Variants in INPP5D observed in about 807,000 individuals in gnomAD.
The protein encoded by INPP5D is phosphatidylinositol 3,4,5-trisphosphate 5-phosphatase 1.
In INPP5D, 33 loss-of-function variants were observed where a neutral mutation model predicts 122.9. That is an observed-to-expected ratio of 0.27 (90% CI 0.20 to 0.36). The LOEUF (loss-of-function observed/expected upper bound fraction) is 0.36. Ranked by LOEUF, INPP5D falls within the 10% of genes least tolerant of loss-of-function variation. INPP5D has a pLI of 1.00. For missense variants in INPP5D, 1,053 were observed against 1,412.7 expected (o/e 0.75, Z 4.08); for synonymous variants, 584 against 576.2 (o/e 1.01, Z -0.19).
chr2:233,158,346 A>G lies in INPP5D; in HGVS notation c.1064A>G (p.Asn355Ser), dbSNP rs1559324813. Residue 355 changes from asparagine to serine, a missense_variant, in exon 10 of 27, where the codon AAT becomes AGT. This residue lies in a region of INPP5D where 105 missense variants were observed against 199.8 expected (regional missense o/e 0.53). Transcript: ENST00000445964. ...LQLIKSQKFL[N>S]KLVILVETEK... Reference sequence around the variant, plus strand: ...CTCATTAAGTCACAGAAATTTCTGAATAAGTTGGTGATCTTGGTGGAAACA... The same window carrying G: ...CTCATTAAGTCACAGAAATTTCTGAGTAAGTTGGTGATCTTGGTGGAAACA... The G allele has an allele frequency of 2.8e-6, 2 of 703,670 alleles. No individual in the cohort carries two copies. Among genetic ancestry groups the G allele is most frequent in the Non-Finnish European group, 5.2e-6 (2 of 384,868 alleles). 43.6% of individuals were successfully genotyped at this position (703,670 alleles called of 1,614,324 possible). A position where few individuals can be genotyped will look rare whatever the true frequency, so the allele number is the denominator to read the frequency against.
intron 1 of INPP5D, among the ~76,000 whole-genome samples, chr2:233,062,325 G>A (rs1017535324): frequency 7.9e-5 from 12 of 152,180 alleles, no homozygotes; most frequent in African/African-American, 2.4e-4. Context: ...CTCTGACTCC[G>A]AGCCGTGAGC....
Position 233,170,249 on chromosome 2 carries a change from G to A in INPP5D, c.1791+85G>A, listed in dbSNP as rs1694457536. 6.4e-7 allele frequency: 1 copy of A among 1,552,370 alleles called. No individual in the cohort carries two copies. The highest frequency in any genetic ancestry group is 8.7e-7 in the Non-Finnish European group (1 of 1,147,368). Reference sequence around the variant, plus strand: ...TCAGCTTGGGGCAGGTGGTCGTGGAGACATGTGAATCAAGTGGGCTGAGGC... The same window carrying A: ...TCAGCTTGGGGCAGGTGGTCGTGGAAACATGTGAATCAAGTGGGCTGAGGC... On this transcript the variant is annotated intron_variant, in intron 15 of 26. Coordinates refer to ENST00000445964, the MANE Select transcript of INPP5D (RefSeq NM_001017915.3). The surrounding 1 kb of genome is among the most constrained non-coding windows in gnomAD (Gnocchi z 4.5).
At chr2:233,138,782 G>A (rs867736996) in intron 5 of INPP5D, among the ~76,000 whole-genome samples, 2 of 151,888 alleles carry the variant, frequency 1.3e-5, no homozygotes, top group African/African-American at 2.4e-5. Flanking sequence ...GTCTCGCTCT[G>A]TCGCCCAGGC....
intron 1 of INPP5D, among the ~76,000 whole-genome samples, chr2:233,065,715 T>C (rs1271375641): frequency 6.6e-6 from 1 of 151,602 alleles, no homozygotes; most frequent in Non-Finnish European, 1.5e-5. Flanking sequence ...AGCATGATCT[T>C]GGCTCACTGC....
intron 9 of INPP5D, among the ~76,000 whole-genome samples, chr2:233,149,383 G>A (rs1410520411): frequency 1.3e-5 from 2 of 152,144 alleles, no homozygotes; most frequent in Non-Finnish European, 2.9e-5. Context: ...TTACAGGCAT[G>A]AACCACTGTG....
At chr2:233,124,722 C>G (rs937655880) in intron 3 of INPP5D, among the ~76,000 whole-genome samples, 4 of 152,254 alleles carry the variant, frequency 2.6e-5, no homozygotes, top group Non-Finnish European at 4.4e-5. Flanking sequence ...CTAGTTGGGC[C>G]CCTCTGGGCA....
At chr2:233,198,489 G>C in intron 25 of INPP5D, 113 bp downstream of exon 25, 2 of 1,441,388 alleles carry the variant, frequency 1.4e-6, no homozygotes, top group Non-Finnish European at 1.8e-6. Context: ...GTGTCCACTT[G>C]GCTCATGACT....
intron 9 of INPP5D, 69 bp from the exon 10 acceptor site, chr2:233,158,244 C>T (rs1355290686): frequency 3.1e-6 from 2 of 647,120 alleles, no homozygotes; most frequent in African/African-American, 3.6e-5. Context: ...GTGCCTGGAA[C>T]ATAATGGAGA....
chr2:233,201,745 C>A (rs772669840), intron 25 of INPP5D, among the ~76,000 whole-genome samples: 10 of 152,240 alleles, frequency 6.6e-5, no homozygotes, highest in Non-Finnish European at 7.3e-5. Context: ...CAGATCGAAG[C>A]TGTGCAATTA....
Position 233,206,621 on chromosome 2 carries a change from C to A in INPP5D, c.3568-85C>A. On this transcript the variant is annotated intron_variant, in intron 26 of 26. Coordinates refer to ENST00000445964, the MANE Select transcript of INPP5D (RefSeq NM_001017915.3). This position sits in a 1 kb window ranked among gnomAD's most constrained non-coding sequence, Gnocchi z 4.0. ...ACGTTAAAGGAAGCCTGGCCTAGCCCACAGCATGCAGGGACCTGGGCCACT... is the reference window on the plus strand; with the variant it reads ...ACGTTAAAGGAAGCCTGGCCTAGCCAACAGCATGCAGGGACCTGGGCCACT... 4.2e-6 allele frequency: 3 copies of A among 722,728 alleles called. No individual in the cohort carries two copies. The South Asian group carries it at 4.4e-5, about 11-fold the overall frequency. 44.8% of individuals were successfully genotyped at this position (722,728 alleles called of 1,614,324 possible).
chr2:233,090,041 C>T (rs1691951064), intron 2 of INPP5D, among the ~76,000 whole-genome samples: 1 of 152,222 alleles, frequency 6.6e-6, no homozygotes, highest in African/African-American at 2.4e-5. Context: ...GACCCGGTGT[C>T]TGTCTCCCCC....
intron 2 of INPP5D, among the ~76,000 whole-genome samples, chr2:233,114,515 A>C (rs1574737645): frequency 6.6e-6 from 1 of 152,316 alleles, no homozygotes; most frequent in Middle Eastern, 3.4e-3. Context: ...GGCTCAGAGC[A>C]GGGCAAACGC....
At chr2:233,151,691 T>C (rs1693929995) in intron 9 of INPP5D, among the ~76,000 whole-genome samples, 1 of 152,212 alleles carries the variant, frequency 6.6e-6, no homozygotes. Flanking sequence ...TAATGTGGGC[T>C]TCACAAAGGC....
At chr2:233,077,476 A>G (rs1234146307) in intron 1 of INPP5D, among the ~76,000 whole-genome samples, 2 of 152,040 alleles carry the variant, frequency 1.3e-5, no homozygotes, top group Non-Finnish European at 2.9e-5. Context: ...CCTGACCAAT[A>G]TGGAGAAACC....
chr2:233,184,956 A>G (rs552829156), intron 20 of INPP5D, among the ~76,000 whole-genome samples: 2 of 151,060 alleles, frequency 1.3e-5, no homozygotes, highest in African/African-American at 4.9e-5. Context: ...TGGAGATCAC[A>G]GCGTCTTTCT....
Position 233,124,007 on chromosome 2 carries a change from A to G in INPP5D, c.350-1738A>G, listed in dbSNP as rs199904124. On this transcript the variant is annotated intron_variant, in intron 3 of 26. Transcript: ENST00000445964. ...ACAGGATCAGAAATAACTATTGGGT[A>G]CTAGGCTTAATACCAGGATGATGAA... Among the ~76,000 whole-genome samples, 91 of 152,340 alleles carry G rather than the reference A, an allele frequency of 6.0e-4. 1 individual carries two copies. The highest frequency in any genetic ancestry group is 4.6e-3 in the Admixed American group (70 of 15,302).
At chr2:233,073,157 C>T (rs1417662100) in intron 1 of INPP5D, among the ~76,000 whole-genome samples, 1 of 152,076 alleles carries the variant, frequency 6.6e-6, no homozygotes, top group East Asian at 1.9e-4. Context: ...CTGCACAGGG[C>T]AGGTGGAAAA....
intron 2 of INPP5D, among the ~76,000 whole-genome samples, chr2:233,079,766 A>G (rs1691620869): frequency 6.6e-6 from 1 of 152,138 alleles, no homozygotes; most frequent in African/African-American, 2.4e-5. Context: ...GAGAGAAGGG[A>G]GGTGAACTTA....
At chr2:233,169,547 C>T (rs1045668848) in intron 14 of INPP5D, 146 bp downstream of exon 14, 1 of 1,269,150 alleles carries the variant, frequency 7.9e-7, no homozygotes, top group African/African-American at 1.5e-5. Flanking sequence ...ACCACAGTCT[C>T]ATCAAAGGCA....
Sources: gnomAD v4.1 joint callset for allele counts (sites outside exome capture counted in the v4.1 genomes callset) on GRCh38, gnomAD v4.1.1 for gene constraint, gnomAD v4.1.1 regional missense constraint, Gnocchi (gnomAD v3.1) non-coding constraint, MANE v1.5 for transcripts, NCBI Gene and HGNC (gene_info 2026-07-23, HGNC 2026-07-21) for gene names.